TXNDC16: variants seen among roughly 807,000 people sequenced by gnomAD.
The protein encoded by TXNDC16 is thioredoxin domain-containing protein 16.
A neutral mutation model predicts 85.6 loss-of-function variants in TXNDC16; 74 were observed. The observed-to-expected ratio is 0.86, with a 90% CI of 0.72 to 1.05. The LOEUF (loss-of-function observed/expected upper bound fraction) is 1.05, where lower values mean the gene tolerates loss of function less well. TXNDC16 is among the 50% of genes least tolerant of loss of function. The pLI, the probability that TXNDC16 is intolerant of heterozygous loss-of-function variation, is 0.00. For synonymous variants in TXNDC16, 335 were observed against 326.5 expected, an observed-to-expected ratio of 1.03 and a Z score of -0.28; for missense variants, 959 against 947.0, an observed-to-expected ratio of 1.01 and a Z score of -0.17.
intron 9 of TXNDC16, among the ~76,000 whole-genome samples, chr14:52,503,830 A>C (rs2140171705): frequency 6.6e-6 from 1 of 152,346 alleles, no homozygotes; most frequent in African/African-American, 2.4e-5. Flanking sequence ...ACCTTGAAAA[A>C]AGATTAGACG....
chr14:52,479,521 G>A (rs556738289), intron 14 of TXNDC16, among the ~76,000 whole-genome samples: 19 of 151,370 alleles, frequency 1.3e-4, no homozygotes, highest in Admixed American at 5.3e-4. Flanking sequence ...CACCAACAGC[G>A]ACCAAGCTGA....
At chr14:52,537,719 AG>A (rs772808714) in intron 4 of TXNDC16, 47 bp from the exon 5 acceptor site, 6 of 1,125,486 alleles carry the variant, frequency 5.3e-6, no homozygotes, top group Non-Finnish European at 7.9e-6. Flanking sequence ...CAAAAGGTCA[AG>A]TTTCTTGGTT....
intron 16 of TXNDC16, among the ~76,000 whole-genome samples, chr14:52,466,676 C>T (rs2035783355): frequency 6.6e-6 from 1 of 151,804 alleles, no homozygotes; most frequent in South Asian, 2.1e-4. Context: ...ACCATCCTGG[C>T]TAATGCGTTA....
chr14:52,548,654 G>T (rs1043094152), intron 1 of TXNDC16, among the ~76,000 whole-genome samples: 4 of 152,104 alleles, frequency 2.6e-5, no homozygotes, highest in African/African-American at 9.7e-5. Flanking sequence ...GGCCGAGACG[G>T]GTGGATCACC....
At chr14:52,546,383 G>A (rs929166206) in intron 1 of TXNDC16, among the ~76,000 whole-genome samples, 3 of 152,124 alleles carry the variant, frequency 2.0e-5, no homozygotes, top group African/African-American at 4.8e-5. Context: ...TTGTTACCTC[G>A]GTGTGATAGT....
chr14:52,460,798 GT>G (rs1451605802), intron 16 of TXNDC16, among the ~76,000 whole-genome samples: 3 of 152,100 alleles, frequency 2.0e-5, no homozygotes, highest in African/African-American at 4.8e-5. Context: ...TTTTTTGAGA[GT>G]TTATTCAAAA....
chr14:52,482,140 G>A, intron 14 of TXNDC16, 90 bp downstream of exon 14: 2 of 1,219,632 alleles, frequency 1.6e-6, no homozygotes, highest in Admixed American at 2.3e-5. Flanking sequence ...GAAATTTTAT[G>A]TGGTTTTCTA....
intron 18 of TXNDC16, among the ~76,000 whole-genome samples, chr14:52,452,299 T>C (rs543873988): frequency 7.0e-4 from 106 of 152,290 alleles, no homozygotes; most frequent in African/African-American, 2.5e-3. Context: ...AAAATACCAA[T>C]GATATTCTTC....
chr14:52,506,239 C>T (rs2036796467), intron 9 of TXNDC16, among the ~76,000 whole-genome samples: 1 of 152,186 alleles, frequency 6.6e-6, no homozygotes, highest in Non-Finnish European at 1.5e-5. Context: ...CCAGCATCAT[C>T]CTGATACCAA....
At chr14:52,521,505 T>C (rs915761289) in intron 6 of TXNDC16, among the ~76,000 whole-genome samples, 1 of 152,128 alleles carries the variant, frequency 6.6e-6, no homozygotes, top group Non-Finnish European at 1.5e-5. Context: ...ATCTAATCTG[T>C]TGTGACATCA....
intron 16 of TXNDC16, among the ~76,000 whole-genome samples, chr14:52,463,552 G>A (rs182754555): frequency 2.4e-4 from 36 of 152,354 alleles, no homozygotes; most frequent in Middle Eastern, 6.8e-3. Context: ...ACAGTAAGAG[G>A]AAGTGAGGTG....
intron 15 of TXNDC16, 76 bp from the exon 16 acceptor site, chr14:52,470,249 C>T (rs2035874749): frequency 3.5e-6 from 4 of 1,130,868 alleles, no homozygotes; most frequent in Non-Finnish European, 5.0e-6. Flanking sequence ...GCATACTAAA[C>T]ATAGCAAACA....
At chr14:52,535,481 C>T (rs1430882925) in intron 6 of TXNDC16, among the ~76,000 whole-genome samples, 1 of 151,970 alleles carries the variant, frequency 6.6e-6, no homozygotes, top group Non-Finnish European at 1.5e-5. Flanking sequence ...GTTAAACTAC[C>T]AATTTTTGTA....
At chr14:52,485,175 T>A (rs1420711018) in intron 12 of TXNDC16, among the ~76,000 whole-genome samples, 1 of 152,196 alleles carries the variant, frequency 6.6e-6, no homozygotes, top group East Asian at 1.9e-4. Context: ...ATATGGATGA[T>A]CTTGATCCTG....
At chr14:52,546,701 GTTGTT>G (rs1336486228) in intron 1 of TXNDC16, among the ~76,000 whole-genome samples, 3 of 152,196 alleles carry the variant, frequency 2.0e-5, no homozygotes, top group Non-Finnish European at 4.4e-5. Context: ...AATAAACCTT[GTTGTT>G]TTAAGTCACT....
At chr14:52,470,258 CAAT>C in intron 15 of TXNDC16, 85 bp from the exon 16 acceptor site, 2 of 1,023,652 alleles carry the variant, frequency 2.0e-6, no homozygotes, top group Non-Finnish European at 2.8e-6. Flanking sequence ...ACATAGCAAA[CAAT>C]ATATTACATA....
chr14:52,495,654 G>A (rs1317917742), intron 9 of TXNDC16, among the ~76,000 whole-genome samples: 5 of 152,188 alleles, frequency 3.3e-5, no homozygotes, highest in African/African-American at 7.2e-5. Flanking sequence ...TTACTGCAGC[G>A]GTAGTCTGCC....
chr14:52,449,943 A>G (rs1384939047), intron 18 of TXNDC16, among the ~76,000 whole-genome samples: 1 of 152,054 alleles, frequency 6.6e-6, no homozygotes, highest in Non-Finnish European at 1.5e-5. Flanking sequence ...TGAAAGCAGT[A>G]CTAAAAGGAA....
At chr14:52,477,692 C>T (rs1451037889) in intron 14 of TXNDC16, among the ~76,000 whole-genome samples, 1 of 152,060 alleles carries the variant, frequency 6.6e-6, no homozygotes, top group African/African-American at 2.4e-5. Flanking sequence ...TACTAATAGA[C>T]CTATGAAATG....
Sources: allele counts gnomAD v4.1 joint callset (sites outside exome capture counted in the v4.1 genomes callset), GRCh38; gene constraint gnomAD v4.1.1; transcripts MANE v1.5; gene names NCBI Gene and HGNC (gene_info 2026-07-23, HGNC 2026-07-21).